The following ERC2 variants were observed in gnomAD, a reference collection of about 807,000 sequenced individuals.
The protein encoded by ERC2 is ELKS/RAB6-interacting/CAST family member 2.
In ERC2, 42 loss-of-function variants were observed where a neutral mutation model predicts 114.8. The observed-to-expected ratio is 0.37, with a 90% CI of 0.29 to 0.47. ERC2 has a LOEUF of 0.47. Ranked by LOEUF, ERC2 falls within the 20% of genes least tolerant of loss-of-function variation. The pLI is 0.99. For synonymous variants in ERC2, 454 were observed against 425.5 expected (o/e 1.07, Z -0.82); for missense variants, 939 against 1,150.7 (o/e 0.82, Z 2.66).
At chr3:56,219,631 G>A (rs1405537998) in intron 3 of ERC2, among the ~76,000 whole-genome samples, 1 of 149,690 alleles carries the variant, frequency 6.7e-6, no homozygotes, top group East Asian at 2.0e-4. Context: ...CTTTACAGGT[G>A]CGACTTTAGG....
intron 14 of ERC2, among the ~76,000 whole-genome samples, chr3:55,845,445 A>G (rs1226131459): frequency 7.2e-6 from 1 of 138,350 alleles, no homozygotes; most frequent in East Asian, 2.4e-4. Flanking sequence ...CGGAGCTTGC[A>G]GTGAGCCGAG....
intron 14 of ERC2, among the ~76,000 whole-genome samples, chr3:55,821,278 G>A (rs1259223670): frequency 6.6e-6 from 1 of 152,098 alleles, no homozygotes; most frequent in African/African-American, 2.4e-5. Context: ...GTTAAAATCT[G>A]AAAACCAAAA....
intron 14 of ERC2, among the ~76,000 whole-genome samples, chr3:55,784,423 T>C (rs2069313362): frequency 6.6e-6 from 1 of 152,178 alleles, no homozygotes; most frequent in African/African-American, 2.4e-5. Flanking sequence ...TGGTTACCAA[T>C]TTAGGGGACT....
At chr3:55,882,835 A>G (rs1214695631) in intron 14 of ERC2, among the ~76,000 whole-genome samples, 1 of 152,200 alleles carries the variant, frequency 6.6e-6, no homozygotes, top group Non-Finnish European at 1.5e-5. Flanking sequence ...AGTTGGCCTC[A>G]GTTCCTAAAA....
At chr3:55,533,003 T>G (rs1384681514) in intron 17 of ERC2, among the ~76,000 whole-genome samples, 1 of 152,230 alleles carries the variant, frequency 6.6e-6, no homozygotes, top group African/African-American at 2.4e-5. Context: ...CCTTGGCCCC[T>G]AAAATCCTGG....
chr3:55,860,530 C>A (rs1027571080), intron 14 of ERC2, among the ~76,000 whole-genome samples: 5 of 152,114 alleles, frequency 3.3e-5, no homozygotes, highest in African/African-American at 1.2e-4. Context: ...TAATTAGGGC[C>A]CTCTAAACAT....
chr3:55,535,797 C>G (rs928791560), intron 17 of ERC2, among the ~76,000 whole-genome samples: 4 of 152,170 alleles, frequency 2.6e-5, no homozygotes, highest in Non-Finnish European at 4.4e-5. Context: ...AGTTTAAGAC[C>G]AGCCTGGCCA....
chr3:55,656,539 GC>G (rs1163172507), intron 17 of ERC2, among the ~76,000 whole-genome samples: 1 of 152,166 alleles, frequency 6.6e-6, no homozygotes. Flanking sequence ...TCCTTGTCAG[GC>G]CACAGAAGAA....
intron 2 of ERC2, among the ~76,000 whole-genome samples, chr3:56,383,725 G>C (rs547214184): frequency 6.6e-6 from 1 of 152,052 alleles, no homozygotes; most frequent in African/African-American, 2.4e-5. Flanking sequence ...ACCATCTCAA[G>C]TGTACAGTTC....
intron 3 of ERC2, among the ~76,000 whole-genome samples, chr3:56,254,949 G>A (rs1399747469): frequency 6.6e-6 from 1 of 152,188 alleles, no homozygotes; most frequent in African/African-American, 2.4e-5. Flanking sequence ...AAAAATTATT[G>A]TAGCAATTAT....
At chr3:56,117,409 T>C (rs999165132) in intron 6 of ERC2, among the ~76,000 whole-genome samples, 8 of 152,242 alleles carry the variant, frequency 5.3e-5, no homozygotes, top group African/African-American at 1.9e-4. Flanking sequence ...GCCTCCATTC[T>C]ATGTAACTAG....
intron 14 of ERC2, among the ~76,000 whole-genome samples, chr3:55,869,848 T>C (rs1046236094): frequency 6.6e-6 from 1 of 152,056 alleles, no homozygotes; most frequent in Non-Finnish European, 1.5e-5. Flanking sequence ...CCAAAGGAGA[T>C]GAATCTTCAA....
At chr3:56,310,450 A>T (rs2056471374) in intron 2 of ERC2, among the ~76,000 whole-genome samples, 1 of 152,198 alleles carries the variant, frequency 6.6e-6, no homozygotes, top group South Asian at 2.1e-4. Flanking sequence ...CAACATGTTC[A>T]TTTAGCAAAA....
chr3:55,794,116 A>T (rs770826133), intron 14 of ERC2, among the ~76,000 whole-genome samples: 4 of 152,180 alleles, frequency 2.6e-5, no homozygotes, highest in Non-Finnish European at 5.9e-5. Context: ...ATTGGGAGTC[A>T]TTGTAGGAGA....
At chr3:56,341,381 C>G (rs1338185905) in intron 2 of ERC2, among the ~76,000 whole-genome samples, 3 of 152,144 alleles carry the variant, frequency 2.0e-5, no homozygotes, top group Non-Finnish European at 4.4e-5. Context: ...GACCTGAGCC[C>G]CTGGGAGCCA....
intron 14 of ERC2, among the ~76,000 whole-genome samples, chr3:55,776,930 G>T (rs771769887): frequency 6.6e-6 from 1 of 152,148 alleles, no homozygotes; most frequent in Non-Finnish European, 1.5e-5. Flanking sequence ...GGCTGCTCCT[G>T]CTGGAAAAAA....
At chr3:55,849,556 T>C (rs2061491297) in intron 14 of ERC2, among the ~76,000 whole-genome samples, 1 of 152,192 alleles carries the variant, frequency 6.6e-6, no homozygotes, top group African/African-American at 2.4e-5. Flanking sequence ...AATTTGGATG[T>C]AATAGCTGGC....
At chr3:55,641,383 C>T (rs1269976320) in intron 17 of ERC2, among the ~76,000 whole-genome samples, 1 of 151,880 alleles carries the variant, frequency 6.6e-6, no homozygotes, top group Non-Finnish European at 1.5e-5. Flanking sequence ...AACCTCATCT[C>T]TACTAAAAAT....
intron 7 of ERC2, among the ~76,000 whole-genome samples, chr3:56,064,319 C>T (rs754860954): frequency 6.6e-6 from 1 of 152,220 alleles, no homozygotes; most frequent in Non-Finnish European, 1.5e-5. Context: ...CTTGTCCATG[C>T]CCTCAGCTGT....
Sources: allele counts gnomAD v4.1 joint callset (sites outside exome capture counted in the v4.1 genomes callset), GRCh38; gene constraint gnomAD v4.1.1; transcripts MANE v1.5; gene names NCBI Gene and HGNC (gene_info 2026-07-23, HGNC 2026-07-21).